SP3: variants seen among roughly 807,000 people sequenced by gnomAD.
SP3 encodes the protein Sp3 transcription factor.
A neutral mutation model predicts 70.3 loss-of-function variants in SP3; 10 were observed. That is an observed-to-expected ratio of 0.14 (90% CI 0.09 to 0.24). The LOEUF (loss-of-function observed/expected upper bound fraction) is 0.24. SP3 is among the 10% of genes least tolerant of loss of function. SP3 has a pLI of 1.00. For synonymous variants in SP3, 402 were observed against 333.5 expected, an observed-to-expected ratio of 1.21 and a Z score of -2.24; for missense variants, 825 against 914.6, an observed-to-expected ratio of 0.90 and a Z score of 1.26.
At chr2:173,939,647 C>T (rs556979334) in intron 4 of SP3, among the ~76,000 whole-genome samples, 50 of 151,070 alleles carry the variant, frequency 3.3e-4, no homozygotes, top group African/African-American at 1.1e-3. Flanking sequence ...GGCCTGTAGT[C>T]CCAGCTACTC....
rs1311681622 is a variant in SP3 at position 173,955,221 on chromosome 2, T to C, written c.1291A>G (p.Ile431Val). The C allele has an allele frequency of 1.9e-6, 3 of 1,614,056 alleles. No individual in the cohort carries two copies. The highest frequency in any genetic ancestry group is 2.2e-5 in the East Asian group (1 of 44,894). The change falls in exon 4 of 7, where the codon ATA (isoleucine) becomes GTA (valine). Residue 431 changes from isoleucine (I) to valine (V), a missense_variant. This residue lies in a region of SP3 where 678 missense variants were observed against 651.6 expected (regional missense o/e 1.04). Transcript: ENST00000310015. ...AGATTTTGCAAAGCCTGTTGTGATA[T>C]ATTTTGACCACTGGCTTGCACACCA... The part of the protein sequence containing the change: ...IHGVQASGQN[I>V]SQQALQNLQL...
At chr2:173,928,137 G>T (rs1424352911) in intron 4 of SP3, among the ~76,000 whole-genome samples, 1 of 152,072 alleles carries the variant, frequency 6.6e-6, no homozygotes, top group African/African-American at 2.4e-5. Flanking sequence ...AAAGCAGTCG[G>T]AATTGTTAAA....
At chr2:173,941,599 A>T (rs780537452) in intron 4 of SP3, among the ~76,000 whole-genome samples, 1 of 151,978 alleles carries the variant, frequency 6.6e-6, no homozygotes, top group Non-Finnish European at 1.5e-5. Context: ...GACCCTGCCT[A>T]AAAAAAAGAA....
At chr2:173,937,603 A>G (rs765851205) in intron 4 of SP3, among the ~76,000 whole-genome samples, 3 of 152,270 alleles carry the variant, frequency 2.0e-5, no homozygotes, top group Non-Finnish European at 2.9e-5. Flanking sequence ...GATGCTCACT[A>G]AAGTCCGAGA....
intron 6 of SP3, among the ~76,000 whole-genome samples, chr2:173,912,829 A>G (rs1448388307): frequency 2.0e-5 from 3 of 152,206 alleles, no homozygotes; most frequent in African/African-American, 7.2e-5. Flanking sequence ...AGCATTCAAT[A>G]ATGTCAACAA....
At chr2:173,916,052 T>C (rs893357772) in intron 5 of SP3, 10 of 152,078 alleles carry the variant, frequency 6.6e-5, no homozygotes, top group Admixed American at 4.6e-4. Flanking sequence ...TTAGAATAGT[T>C]TGGATTTACT....
chr2:173,935,619 C>T (rs1160762652), intron 4 of SP3, among the ~76,000 whole-genome samples: 1 of 152,174 alleles, frequency 6.6e-6, no homozygotes, highest in East Asian at 1.9e-4. Context: ...CCCAAAATTT[C>T]CCAAAACATC....
At chr2:173,940,769 T>G (rs1321469841) in intron 4 of SP3, among the ~76,000 whole-genome samples, 1 of 152,184 alleles carries the variant, frequency 6.6e-6, no homozygotes. Context: ...TCATACCTTC[T>G]TCCTTCTCAA....
intron 1 of SP3, 181 bp downstream of exon 1, chr2:173,964,984 G>C: frequency 3.9e-6 from 3 of 775,864 alleles, no homozygotes; most frequent in Non-Finnish European, 5.9e-6. Context: ...TGGGGCTTCG[G>C]GGGTGGACGG....
Position 173,965,293 on chromosome 2 carries a change from A to ATT in SP3, c.-124_-123dup. ...CGGACACGGCCGGAGCGGTCCGGGG[A>ATT]TTTTTTTTTCCTATTTTGATTGACT... is the stretch of plus-strand genomic sequence containing the variant. On this transcript the variant is annotated 5_prime_UTR_variant, in exon 1 of 7. Coordinates refer to ENST00000310015, the MANE Select transcript of SP3 (RefSeq NM_003111.5). The ATT allele has an allele frequency of 8.6e-7, 1 of 1,168,340 alleles. No homozygotes were observed. Among genetic ancestry groups the ATT allele is most frequent in the Non-Finnish European group, 1.2e-6 (1 of 817,612 alleles). The allele number at this position is 1,168,340 out of a possible 1,614,324, so 72.4% of individuals were successfully genotyped here.
At chr2:173,922,373 T>A (rs954966891) in intron 4 of SP3, among the ~76,000 whole-genome samples, 4 of 151,720 alleles carry the variant, frequency 2.6e-5, no homozygotes, top group Admixed American at 2.6e-4. Context: ...TAGAAAAGAT[T>A]GCAGGGGAGG....
intron 5 of SP3, among the ~76,000 whole-genome samples, 156 bp downstream of exon 5, chr2:173,918,437 A>AT (rs1379303348): frequency 3.3e-5 from 5 of 152,010 alleles, no homozygotes; most frequent in Non-Finnish European, 7.4e-5. Flanking sequence ...CCAATTCCAT[A>AT]TATTTTGTTC....
chr2:173,961,525 T>G (rs931256112), intron 3 of SP3, among the ~76,000 whole-genome samples: 1 of 152,238 alleles, frequency 6.6e-6, no homozygotes, highest in African/African-American at 2.4e-5. Context: ...AAAGTCTGGT[T>G]AGTAATGTCA....
intron 6 of SP3, among the ~76,000 whole-genome samples, chr2:173,911,300 C>G (rs1689476166): frequency 6.6e-6 from 1 of 152,160 alleles, no homozygotes; most frequent in East Asian, 1.9e-4. Flanking sequence ...TTTACAAGGA[C>G]CTTTAAAGTG....
In SP3 at chr2:173,905,265, G is replaced by A. The variant is rs1438502051; in HGVS notation, c.*4676C>T. ...AAATGGAATCTCCAGAGTTAAGGGG[G>A]GAGGAAGGCATTGGAAGGAGGTTAC... On this transcript the variant is annotated 3_prime_UTR_variant, in exon 7 of 7. Transcript: ENST00000310015. Among the ~76,000 whole-genome samples, 1 of 152,188 alleles carries A rather than the reference G, an allele frequency of 6.6e-6. No homozygotes were observed. Among genetic ancestry groups the A allele is most frequent in the Non-Finnish European group, 1.5e-5 (1 of 68,030 alleles).
chr2:173,960,670 A>G (rs1029546935), intron 3 of SP3, among the ~76,000 whole-genome samples: 1 of 152,208 alleles, frequency 6.6e-6, no homozygotes, highest in Non-Finnish European at 1.5e-5. Context: ...AATCACTTTC[A>G]TAATAGTCAC....
intron 4 of SP3, among the ~76,000 whole-genome samples, chr2:173,926,299 A>AT (rs1294019151): frequency 2.6e-5 from 4 of 152,130 alleles, no homozygotes; most frequent in Non-Finnish European, 4.4e-5. Flanking sequence ...AATATATATT[A>AT]TTTTTTAACC....
chr2:173,965,141 G>A (rs942691062), intron 1 of SP3, 24 bp downstream of exon 1: 20 of 1,548,090 alleles, frequency 1.3e-5, no homozygotes, highest in Non-Finnish European at 1.7e-5. Flanking sequence ...CAGCAGCAAG[G>A]GTTGCTCTCT....
intron 4 of SP3, among the ~76,000 whole-genome samples, chr2:173,949,624 A>G (rs1162644651): frequency 6.6e-6 from 1 of 152,176 alleles, no homozygotes; most frequent in African/African-American, 2.4e-5. Flanking sequence ...TAAGAGATCC[A>G]TCCCTCTTTC....
Sources: gnomAD v4.1 joint callset for allele counts (sites outside exome capture counted in the v4.1 genomes callset) on GRCh38, gnomAD v4.1.1 for gene constraint, gnomAD v4.1.1 regional missense constraint, MANE v1.5 for transcripts, NCBI Gene and HGNC (gene_info 2026-07-23, HGNC 2026-07-21) for gene names.